Variants in ADAMTS12 observed in about 807,000 individuals in gnomAD.
ADAMTS12 encodes the protein ADAM metallopeptidase with thrombospondin type 1 motif 12, also known as A disintegrin and metalloproteinase with thrombospondin motifs 12.
A neutral mutation model predicts 167.8 loss-of-function variants in ADAMTS12; 118 were observed. That is an observed-to-expected ratio of 0.70 (90% CI 0.61 to 0.82). ADAMTS12 has a LOEUF of 0.82. Among genes scored for constraint, ADAMTS12 ranks in the 40% least tolerant of loss-of-function variants. ADAMTS12 has a pLI of 0.00. For missense variants in ADAMTS12, 1,916 were observed against 1,998.8 expected, an observed-to-expected ratio of 0.96 and a Z score of 0.79; for synonymous variants, 704 against 716.9, an observed-to-expected ratio of 0.98 and a Z score of 0.29.
chr5:33,823,561 T>C (rs969463160), intron 2 of ADAMTS12, among the ~76,000 whole-genome samples: 4 of 151,738 alleles, frequency 2.6e-5, no homozygotes, highest in Non-Finnish European at 5.9e-5. Flanking sequence ...CTACAGTGAG[T>C]AGACGGGACT....
At chr5:33,560,239 A>G (rs1489101123) in intron 20 of ADAMTS12, among the ~76,000 whole-genome samples, 1 of 152,178 alleles carries the variant, frequency 6.6e-6, no homozygotes. Context: ...AAGTTGGCCT[A>G]TGGTAATGCC....
intron 14 of ADAMTS12, among the ~76,000 whole-genome samples, chr5:33,624,013 A>C (rs1739458368): frequency 6.6e-6 from 1 of 152,124 alleles, no homozygotes; most frequent in Non-Finnish European, 1.5e-5. Flanking sequence ...TCTCTATCTC[A>C]CTGTGATGCA....
At chr5:33,733,728 T>C (rs1297256912) in intron 3 of ADAMTS12, among the ~76,000 whole-genome samples, 1 of 152,140 alleles carries the variant, frequency 6.6e-6, no homozygotes, top group Non-Finnish European at 1.5e-5. Context: ...GAAAGGATCA[T>C]AAGTGTCATT....
intron 2 of ADAMTS12, among the ~76,000 whole-genome samples, chr5:33,847,926 A>T (rs188813232): frequency 5.3e-5 from 8 of 152,132 alleles, no homozygotes; most frequent in Non-Finnish European, 1.0e-4. Flanking sequence ...ATAAAGAGTG[A>T]AACAATGGCC....
intron 12 of ADAMTS12, among the ~76,000 whole-genome samples, chr5:33,636,637 A>T (rs1047313869): frequency 6.6e-6 from 1 of 152,310 alleles, no homozygotes; most frequent in South Asian, 2.1e-4. Flanking sequence ...ACAATTCTCA[A>T]ATCTGTGATT....
chr5:33,741,742 C>T (rs936792560), intron 3 of ADAMTS12, among the ~76,000 whole-genome samples: 1 of 152,154 alleles, frequency 6.6e-6, no homozygotes, highest in Non-Finnish European at 1.5e-5. Flanking sequence ...ATTCTCCTGC[C>T]TCAGCCTCCC....
intron 2 of ADAMTS12, among the ~76,000 whole-genome samples, chr5:33,790,416 G>A (rs978842236): frequency 6.6e-6 from 1 of 152,110 alleles, no homozygotes; most frequent in Non-Finnish European, 1.5e-5. Flanking sequence ...AGCTGGGCAT[G>A]GTGGCGCATG....
At chr5:33,757,534 T>A (rs1163327067) in intron 2 of ADAMTS12, among the ~76,000 whole-genome samples, 1 of 152,158 alleles carries the variant, frequency 6.6e-6, no homozygotes, top group Non-Finnish European at 1.5e-5. Flanking sequence ...ATGTCCCTCA[T>A]CCCTCTCAGA....
chr5:33,871,374 A>C (rs1036840075), intron 2 of ADAMTS12, among the ~76,000 whole-genome samples: 2 of 152,208 alleles, frequency 1.3e-5, no homozygotes, highest in African/African-American at 4.8e-5. Flanking sequence ...CCCTGATACC[A>C]AAATCAGACA....
chr5:33,544,301 C>G (rs1744852313), intron 22 of ADAMTS12, among the ~76,000 whole-genome samples: 1 of 152,176 alleles, frequency 6.6e-6, no homozygotes, highest in African/African-American at 2.4e-5. Context: ...ATCCAACTTA[C>G]AAGGTATGTG....
chr5:33,734,215 G>A (rs187390151), intron 3 of ADAMTS12, among the ~76,000 whole-genome samples: 2 of 152,196 alleles, frequency 1.3e-5, no homozygotes, highest in African/African-American at 4.8e-5. Context: ...TCTCCTGTTC[G>A]CAGCTAGAGA....
intron 17 of ADAMTS12, 32 bp from the exon 18 acceptor site, chr5:33,588,841 T>A: frequency 6.2e-7 from 1 of 1,608,744 alleles, no homozygotes; most frequent in Non-Finnish European, 8.5e-7. Context: ...TGAGAGAAGA[T>A]CGCCAACTTA....
intron 2 of ADAMTS12, among the ~76,000 whole-genome samples, chr5:33,873,451 T>C (rs924988251): frequency 6.6e-6 from 1 of 152,194 alleles, no homozygotes; most frequent in African/African-American, 2.4e-5. Flanking sequence ...TCCATGCTAA[T>C]GGATAGGAAG....
Position 33,561,136 on chromosome 5 carries a change from TC to T in ADAMTS12, c.4015del (p.Glu1339SerfsTer62). 1.2e-6 allele frequency: 2 copies of T among 1,614,110 alleles called. No homozygotes were observed. The highest frequency in any genetic ancestry group is 1.7e-6 in the Non-Finnish European group (2 of 1,179,998). On this transcript the variant is annotated frameshift_variant, in exon 20 of 24. Transcript: ENST00000504830. LOFTEE classifies it high-confidence loss of function. ...CGLGAYWRRV[E>X]CSTQMDSDCA... ...GTCAGAATCCATCTGGGTGCTGCAC[TC>T]CACCCTTCTCCAGTAGGCCCCCAGG...
At chr5:33,684,563 A>C (rs747603176) in intron 3 of ADAMTS12, among the ~76,000 whole-genome samples, 3 of 152,196 alleles carry the variant, frequency 2.0e-5, no homozygotes, top group African/African-American at 4.8e-5. Flanking sequence ...TATGCCCCAA[A>C]ATCATGCATT....
chr5:33,603,007 G>A (rs1738263097), intron 16 of ADAMTS12, among the ~76,000 whole-genome samples: 1 of 152,168 alleles, frequency 6.6e-6, no homozygotes, highest in Non-Finnish European at 1.5e-5. Flanking sequence ...GGAGATAAAG[G>A]AAAAGGAGAA....
At chr5:33,615,144 A>C (rs1738933841) in intron 15 of ADAMTS12, among the ~76,000 whole-genome samples, 1 of 152,208 alleles carries the variant, frequency 6.6e-6, no homozygotes, top group African/African-American at 2.4e-5. Flanking sequence ...GGGGATTCCC[A>C]TGTGTTAATC....
intron 2 of ADAMTS12, among the ~76,000 whole-genome samples, chr5:33,838,672 A>T (rs1307036212): frequency 6.6e-6 from 1 of 152,030 alleles, no homozygotes; most frequent in African/African-American, 2.4e-5. Flanking sequence ...ACAAAGCGAG[A>T]CTCTGTCACA....
At chr5:33,645,995 T>A (rs10065197) in intron 9 of ADAMTS12, among the ~76,000 whole-genome samples, 133,425 of 151,990 alleles carry the variant, frequency 0.88, 58,957 homozygotes, top group Non-Finnish European at 0.93. Flanking sequence ...ATAAAAGAAT[T>A]TTTAAGCTGA....
Sources: gnomAD v4.1 joint callset for allele counts (sites outside exome capture counted in the v4.1 genomes callset) on GRCh38, gnomAD v4.1.1 for gene constraint, MANE v1.5 for transcripts, NCBI Gene and HGNC (gene_info 2026-07-23, HGNC 2026-07-21) for gene names.